The following ISG20 variants were observed in gnomAD, a reference collection of about 807,000 sequenced individuals.
ISG20 encodes the protein interferon-stimulated gene 20 kDa protein.
Under a neutral mutation model 11.1 loss-of-function variants are expected in ISG20, and 8 were observed. The ratio of observed to expected loss-of-function variants is 0.72; its 90% CI spans 0.42 to 1.30. The LOEUF is 1.30. ISG20 is among the 50% of genes most tolerant of loss of function. The pLI is 0.01. For missense variants in ISG20, 243 were observed against 250.2 expected, an observed-to-expected ratio of 0.97 and a Z score of 0.19; for synonymous variants, 110 against 101.7, an observed-to-expected ratio of 1.08 and a Z score of -0.49.
Position 88,639,776 on chromosome 15 carries a change from AC to A in ISG20, c.228+184del, listed in dbSNP as rs1350641069. Among the ~76,000 whole-genome samples, 5 of 152,194 alleles carry A rather than the reference AC, an allele frequency of 3.3e-5. No individual in the cohort carries two copies. Among genetic ancestry groups the A allele is most frequent in the African/African-American group, 4.8e-5 (2 of 41,440 alleles). ...GGAGAAGGCTTCCTGTCTTCAGAGA[AC>A]CATAGACTCACATCTGGAAGCCGCC... On this transcript the variant is annotated intron_variant, in intron 2 of 3. Coordinates refer to ENST00000306072, the MANE Select transcript of ISG20 (RefSeq NM_002201.6). This position sits in a 1 kb window ranked among gnomAD's most constrained non-coding sequence, Gnocchi z 4.2.
chr15:88,641,935 T>TC (rs2058088691), intron 2 of ISG20, among the ~76,000 whole-genome samples: 1 of 43,782 alleles, frequency 2.3e-5, no homozygotes, highest in African/African-American at 8.7e-5. Flanking sequence ...TCTTTTTTTT[T>TC]TTTTTTTTTT....
At chr15:88,653,601 G>A (rs567640724) in intron 3 of ISG20, among the ~76,000 whole-genome samples, 2 of 152,072 alleles carry the variant, frequency 1.3e-5, no homozygotes, top group African/African-American at 2.4e-5. Flanking sequence ...CCTGACCCAG[G>A]GCCTTCTCCC....
chr15:88,650,588 A>C lies in ISG20; in HGVS notation c.229-1522A>C. On this transcript the variant is annotated intron_variant, in intron 2 of 3. Transcript: ENST00000306072. The surrounding 1 kb of genome is among the most constrained non-coding windows in gnomAD (Gnocchi z 4.0). Reference sequence around the variant, plus strand: ...TCGCTCGGCCACCTGCAGTTTGGGCAGGTGCTCTGCAGCAGGACAGGCCGT... The same window carrying C: ...TCGCTCGGCCACCTGCAGTTTGGGCCGGTGCTCTGCAGCAGGACAGGCCGT... 1.5e-6 allele frequency: 1 copy of C among 668,870 alleles called. No individual in the cohort carries two copies. Among genetic ancestry groups the C allele is most frequent in the Non-Finnish European group, 2.2e-6 (1 of 453,236 alleles). The allele number at this position is 668,870 out of a possible 1,614,324, so 41.4% of individuals were successfully genotyped here.
chr15:88,652,216 C>G lies in ISG20; in HGVS notation c.335C>G (p.Thr112Ser). The G allele has an allele frequency of 6.2e-7, 1 of 1,614,100 alleles. No individual in the cohort carries two copies. ...MSGYTIYDTSTDRLLWREAKL... is the reference protein window; with the variant it reads ...MSGYTIYDTSSDRLLWREAKL... Reference sequence around the variant, plus strand: ...GGCTACACAATCTACGACACGTCCACTGACAGGCTGTTGTGGCGTGAGGCC... The same window carrying G: ...GGCTACACAATCTACGACACGTCCAGTGACAGGCTGTTGTGGCGTGAGGCC... Residue 112 changes from threonine (T) to serine (S), a missense_variant, in exon 3 of 4, where the codon ACT (threonine) becomes AGT (serine). Physicochemically the swap from Thr to Ser is moderately conservative, Grantham distance 58 (BLOSUM62 1). Coordinates refer to ENST00000306072, the MANE Select transcript of ISG20 (RefSeq NM_002201.6).
upstream of ISG20, chr15:88,638,911 G>A (rs538030851): frequency 1.1e-3 from 223 of 194,720 alleles, no homozygotes; most frequent in African/African-American, 5.0e-3. Flanking sequence ...CCACGTGCCC[G>A]GCCTTCCGCC....
chr15:88,636,818 C>T (rs1011971788), upstream of ISG20, among the ~76,000 whole-genome samples: 1 of 152,298 alleles, frequency 6.6e-6, no homozygotes, highest in East Asian at 1.9e-4. Flanking sequence ...CACTAGCCAT[C>T]GCCCTGGCAG....
At position 88,643,075 on chromosome 15, in the gene ISG20, T is replaced by A. The variant is rs1567115804; in HGVS notation, c.228+3481T>A. Among the ~76,000 whole-genome samples the A allele has an allele frequency of 6.6e-6, 1 of 151,632 alleles. No individual in the cohort carries two copies. Among genetic ancestry groups the A allele is most frequent in the South Asian group, 2.1e-4 (1 of 4,816 alleles). ...CTCCTCTACAAAAAAAATAAATAAA[T>A]AAAATAAAAATTAGCCAGACATGGT... On this transcript the variant is annotated intron_variant, in intron 2 of 3. Coordinates refer to ENST00000306072, the MANE Select transcript of ISG20 (RefSeq NM_002201.6). This position sits in a 1 kb window ranked among gnomAD's most constrained non-coding sequence, Gnocchi z 4.4.
At chr15:88,655,304 A>T in intron 3 of ISG20, 111 bp from the exon 4 acceptor site, 1 of 950,478 alleles carries the variant, frequency 1.1e-6, no homozygotes, top group Non-Finnish European at 1.7e-6. Context: ...ACTCTCACCC[A>T]CTGACCCACC....
In ISG20 at chr15:88,639,051, T is replaced by C. The variant is rs2058032411; in HGVS notation, c.-50T>C. ...AGCAGTGGCAGCAGAGAGGCAGACG[T>C]GAGCTGAGGGCGCAGAGGCAGGCAG... is the stretch of plus-strand genomic sequence containing the variant. On this transcript the variant is annotated 5_prime_UTR_variant, in exon 1 of 4. Coordinates refer to ENST00000306072, the MANE Select transcript of ISG20 (RefSeq NM_002201.6). This position sits in a 1 kb window ranked among gnomAD's most constrained non-coding sequence, Gnocchi z 4.2. The C allele has an allele frequency of 2.2e-6, 1 of 464,838 alleles. No homozygotes were observed. The highest frequency in any genetic ancestry group is 3.9e-6 in the Non-Finnish European group (1 of 258,124). The allele number at this position is 464,838 out of a possible 1,614,324, so 28.8% of individuals were successfully genotyped here.
intron 2 of ISG20, among the ~76,000 whole-genome samples, chr15:88,641,648 T>C (rs2058082629): frequency 6.6e-6 from 1 of 152,182 alleles, no homozygotes; most frequent in Non-Finnish European, 1.5e-5. Flanking sequence ...TTTTTTATTT[T>C]TGAGATGGAG....
intron 2 of ISG20, among the ~76,000 whole-genome samples, chr15:88,644,050 G>C (rs917025134): frequency 6.6e-6 from 1 of 152,180 alleles, no homozygotes; most frequent in Admixed American, 6.5e-5. Flanking sequence ...ACATCATCTT[G>C]GTTCTGGAAA....
chr15:88,655,665 T>A lies in ISG20; in HGVS notation c.*134T>A. Reference sequence around the variant, plus strand: ...TCTCTACGCCATCACTGGGTCCTCTTCTTATTCTTCTCTCCAAGCTGGGTT... The same window carrying A: ...TCTCTACGCCATCACTGGGTCCTCTACTTATTCTTCTCTCCAAGCTGGGTT... On this transcript the variant is annotated 3_prime_UTR_variant, in exon 4 of 4. Coordinates refer to ENST00000306072, the MANE Select transcript of ISG20 (RefSeq NM_002201.6). The A allele has an allele frequency of 1.7e-6, 1 of 599,400 alleles. No homozygotes were observed. Among genetic ancestry groups the A allele is most frequent in the Non-Finnish European group, 2.9e-6 (1 of 343,460 alleles). 37.1% of individuals were successfully genotyped at this position (599,400 alleles called of 1,614,324 possible).
chr15:88,639,658 C>A lies in ISG20; in HGVS notation c.228+64C>A. On this transcript the variant is annotated intron_variant, in intron 2 of 3. Coordinates refer to ENST00000306072, the MANE Select transcript of ISG20 (RefSeq NM_002201.6). The surrounding 1 kb of genome is among the most constrained non-coding windows in gnomAD (Gnocchi z 4.2). Reference sequence around the variant, plus strand: ...CCCCTCTCCCACTTCCCTGGCCCCTCTTCCCTGGTGCCCATCTGTGACCTG... The same window carrying A: ...CCCCTCTCCCACTTCCCTGGCCCCTATTCCCTGGTGCCCATCTGTGACCTG... The A allele has an allele frequency of 3.1e-6, 4 of 1,306,680 alleles. No homozygotes were observed. The highest frequency in any genetic ancestry group is 4.4e-6 in the Non-Finnish European group (4 of 915,690). The allele number at this position is 1,306,680 out of a possible 1,614,324, so 80.9% of individuals were successfully genotyped here.
intron 2 of ISG20, among the ~76,000 whole-genome samples, chr15:88,640,419 A>T (rs1215091003): frequency 6.6e-6 from 1 of 152,166 alleles, no homozygotes; most frequent in Non-Finnish European, 1.5e-5. Context: ...AGCACTGGCC[A>T]TTCCTGAGCT....
In ISG20 at chr15:88,639,485, A is replaced by G; in HGVS notation, c.119A>G (p.Asp40Gly). The change falls in exon 2 of 4, where the codon GAC becomes GGC. Residue 40 changes from aspartate (D) to glycine (G), a missense_variant. Asp to Gly is a moderately conservative substitution (Grantham distance 94). Coordinates refer to ENST00000306072, the MANE Select transcript of ISG20 (RefSeq NM_002201.6). The surrounding 1 kb of genome is among the most constrained non-coding windows in gnomAD (Gnocchi z 4.2). ...LVNVHGAVLYDKFIRPEGEIT... is the reference protein window; with the variant it reads ...LVNVHGAVLYGKFIRPEGEIT... Reference sequence around the variant, plus strand: ...AACGTCCACGGTGCTGTGCTGTACGACAAGTTCATCCGGCCTGAGGGAGAG... The same window carrying G: ...AACGTCCACGGTGCTGTGCTGTACGGCAAGTTCATCCGGCCTGAGGGAGAG... 6.2e-7 allele frequency: 1 copy of G among 1,614,056 alleles called. No homozygotes were observed. Among genetic ancestry groups the G allele is most frequent in the Non-Finnish European group, 8.5e-7 (1 of 1,180,000 alleles).
chr15:88,637,875 A>T (rs1381706994), upstream of ISG20, among the ~76,000 whole-genome samples: 3 of 152,198 alleles, frequency 2.0e-5, no homozygotes, highest in Non-Finnish European at 2.9e-5. Flanking sequence ...GCATTTGAAA[A>T]GCATAAAGTC....
chr15:88,655,296 T>A (rs2058355371), intron 3 of ISG20, 119 bp from the exon 4 acceptor site: 1 of 862,728 alleles, frequency 1.2e-6, no homozygotes, highest in African/African-American at 1.7e-5. Flanking sequence ...CTCAAGAGAC[T>A]CTCACCCACT....
chr15:88,648,618 TAAC>T (rs1378697417), intron 2 of ISG20: 1 of 152,240 alleles, frequency 6.6e-6, no homozygotes, highest in African/African-American at 2.4e-5. Context: ...GTGCTAATAA[TAAC>T]AACTACAGTA....
In ISG20 at chr15:88,655,537, CA is replaced by C. The variant is rs778467747; in HGVS notation, c.*7del. On this transcript the variant is annotated 3_prime_UTR_variant, in exon 4 of 4. Transcript: ENST00000306072. ...GCCTGGCTGTGTCAGACTGAAGCCC[CA>C]TCCAGCCCGTTCCGCAGGGACTAGA... 2.0e-5 allele frequency: 33 copies of C among 1,610,686 alleles called. No homozygotes were observed. The East Asian group carries it at 4.5e-4, about 22-fold the overall frequency.
Sources: allele counts gnomAD v4.1 joint callset (sites outside exome capture counted in the v4.1 genomes callset), GRCh38; gene constraint gnomAD v4.1.1; non-coding constraint Gnocchi (gnomAD v3.1); transcripts MANE v1.5; gene names NCBI Gene and HGNC (gene_info 2026-07-23, HGNC 2026-07-21).